Variants in STARD4 observed in about 807,000 individuals in gnomAD.
STARD4 encodes the protein stAR-related lipid transfer protein 4.
In STARD4, 33 loss-of-function variants were observed where a neutral mutation model predicts 24.9. That is an observed-to-expected ratio of 1.32 (90% CI 1.00 to 1.77). The LOEUF is 1.77. Among genes scored for constraint, STARD4 ranks in the 40% most tolerant of loss-of-function variants. The pLI, the probability that STARD4 is intolerant of heterozygous loss-of-function variation, is 0.00. For synonymous variants in STARD4, 88 were observed against 77.4 expected (o/e 1.14, Z -0.72); for missense variants, 238 against 249.3 (o/e 0.95, Z 0.31).
chr5:111,506,292 G>C, intron 3 of STARD4, 38 bp downstream of exon 3: 1 of 1,165,908 alleles, frequency 8.6e-7, no homozygotes, highest in South Asian at 1.5e-5. Flanking sequence ...GTTTTGAAAT[G>C]TCTTAAGAGC....
At position 111,496,074 on chromosome 5, in the gene STARD4, T is replaced by C. The variant is rs1453701434; in HGVS notation, c.*3812A>G. The stretch of plus-strand genomic sequence containing the variant: ...AAATTTTTATTTTGTTTCATACCAA[T>C]TTAAAAATAAATACATATTTTATTG... On this transcript the variant is annotated 3_prime_UTR_variant, in exon 6 of 6. Transcript: ENST00000296632. 1 of 151,942 alleles carries C rather than the reference T, an allele frequency of 6.6e-6. No homozygotes were observed. The highest frequency in any genetic ancestry group is 1.5e-5 in the Non-Finnish European group (1 of 67,962). The allele number at this position is 151,942 out of a possible 1,614,324, so 9.4% of individuals were successfully genotyped here. A position where few individuals can be genotyped will look rare whatever the true frequency, so the allele number is the denominator to read the frequency against.
At chr5:111,512,149 C>T (rs979795155) in intron 1 of STARD4, 2 of 152,356 alleles carry the variant, frequency 1.3e-5, no homozygotes, top group African/African-American at 4.8e-5. Context: ...GTTGCAAGCC[C>T]TGGGATCCTT....
rs1756219573 is a variant in STARD4, at chr5:111,498,494, T to C, written c.*1392A>G. On this transcript the variant is annotated 3_prime_UTR_variant, in exon 6 of 6. Transcript: ENST00000296632. ...TATGAGACTTCCTACTCTACGCTAA[T>C]AAAAACAAATAAAAAATAGATGAAG... The C allele has an allele frequency of 6.6e-6, 1 of 151,346 alleles. No homozygotes were observed. The highest frequency in any genetic ancestry group is 2.4e-5 in the African/African-American group (1 of 41,138). The allele number at this position is 151,346 out of a possible 1,614,324, so 9.4% of individuals were successfully genotyped here.
chr5:111,509,655 G>A (rs1303490739), intron 1 of STARD4, among the ~76,000 whole-genome samples: 1 of 152,062 alleles, frequency 6.6e-6, no homozygotes, highest in Non-Finnish European at 1.5e-5. Context: ...TCTTTGGGGG[G>A]TAGGAAATCT....
rs1756307180 is a variant in STARD4 at position 111,499,959 on chromosome 5, G to T, written c.545C>A (p.Pro182His). ...YIQTDLRGMI[P>H]QSAVDTAMAS... is the part of the protein sequence containing the mutation. ...CATGGCTGTATCTACCGCAGACTGA[G>T]GAATCATCCCACGCAGATCTGTCTG... Residue 182 changes from proline (P) to histidine (H), a missense_variant, in exon 6 of 6, where the codon CCT (proline) becomes CAT (histidine). Pro to His is a moderately conservative substitution (Grantham distance 77). Transcript: ENST00000296632. The T allele has an allele frequency of 6.2e-7, 1 of 1,614,106 alleles. No individual in the cohort carries two copies. The highest frequency in any genetic ancestry group is 1.3e-5 in the African/African-American group (1 of 75,018).
At chr5:111,502,819 GTT>G (rs35680827) in intron 3 of STARD4, among the ~76,000 whole-genome samples, 1 of 146,560 alleles carries the variant, frequency 6.8e-6, no homozygotes, top group African/African-American at 2.5e-5. Context: ...ATAATGAAGG[GTT>G]TTTTTTTTTC....
chr5:111,506,439 C>T (rs538274131), intron 2 of STARD4, 60 bp from the exon 3 acceptor site: 10 of 780,782 alleles, frequency 1.3e-5, no homozygotes, highest in Non-Finnish European at 2.0e-5. Flanking sequence ...AGACACAAAA[C>T]TGATAATTTT....
chr5:111,512,128 C>T (rs1046820834), intron 1 of STARD4: 1 of 152,296 alleles, frequency 6.6e-6, no homozygotes, highest in Non-Finnish European at 1.5e-5. Flanking sequence ...GTGAGCGGCG[C>T]GCAGGGGCGA....
chr5:111,501,172 A>G (rs763687470), intron 4 of STARD4, 56 bp from the exon 5 acceptor site: 64 of 1,503,712 alleles, frequency 4.3e-5, no homozygotes, highest in Non-Finnish European at 5.2e-5. Context: ...ACATAGCTTC[A>G]TATATCATAA....
At chr5:111,512,151 G>C (rs1474691596) in intron 1 of STARD4, 1 of 152,322 alleles carries the variant, frequency 6.6e-6, no homozygotes, top group Non-Finnish European at 1.5e-5. Flanking sequence ...TGCAAGCCCT[G>C]GGATCCTTCC....
At chr5:111,500,942 C>T (rs1473974206) in intron 5 of STARD4, 60 bp downstream of exon 5, 1 of 1,610,868 alleles carries the variant, frequency 6.2e-7, no homozygotes, top group Non-Finnish European at 8.5e-7. Context: ...GACATCCAGC[C>T]AAGAAAACAC....
intron 1 of STARD4, among the ~76,000 whole-genome samples, chr5:111,509,427 G>A (rs1757088525): frequency 6.6e-6 from 1 of 152,078 alleles, no homozygotes; most frequent in Non-Finnish European, 1.5e-5. Context: ...GCAACTTTAA[G>A]GTACTTGACT....
At chr5:111,501,901 T>G (rs1756478779) in intron 4 of STARD4, 61 bp downstream of exon 4, 12 of 1,601,534 alleles carry the variant, frequency 7.5e-6, no homozygotes, top group Non-Finnish European at 9.4e-6. Context: ...ATGCTCTGGC[T>G]CACTCATGCC....
Position 111,507,156 on chromosome 5 carries a change from A to G in STARD4, c.105+173T>C, listed in dbSNP as rs17133335. Among the ~76,000 whole-genome samples, 1,935 of 152,246 alleles carry G rather than the reference A, an allele frequency of 0.013. 45 individuals carry two copies. The highest frequency in any genetic ancestry group is 0.043 in the African/African-American group (1,791 of 41,532). On this transcript the variant is annotated intron_variant, in intron 2 of 5. Coordinates refer to ENST00000296632, the MANE Select transcript of STARD4 (RefSeq NM_139164.3). The surrounding 1 kb of genome is among the most constrained non-coding windows in gnomAD (Gnocchi z 4.4). The stretch of plus-strand genomic sequence containing the variant: ...AGCAGTATAGGATTACCACTGATGC[A>G]TTTCTTCCTCTGTGTGACATTAGAC...
intron 2 of STARD4, among the ~76,000 whole-genome samples, chr5:111,506,836 C>T (rs1215596262): frequency 6.6e-6 from 1 of 152,170 alleles, no homozygotes; most frequent in Non-Finnish European, 1.5e-5. Context: ...CCAAGTAATT[C>T]TGAATATCAG....
At chr5:111,500,493 A>C in intron 5 of STARD4, 1 of 1,037,650 alleles carries the variant, frequency 9.6e-7, no homozygotes, top group Non-Finnish European at 1.2e-6. Context: ...AAACAAGTAG[A>C]TGTTTACTTA....
At chr5:111,511,509 G>T (rs1459069107) in intron 1 of STARD4, among the ~76,000 whole-genome samples, 1 of 152,192 alleles carries the variant, frequency 6.6e-6, no homozygotes, top group Non-Finnish European at 1.5e-5. Flanking sequence ...GCATACTTTA[G>T]ATATCTTGAG....
chr5:111,504,132 G>A lies in STARD4; in HGVS notation c.156-2044C>T, dbSNP rs537702580. On this transcript the variant is annotated intron_variant, in intron 3 of 5. Coordinates refer to ENST00000296632, the MANE Select transcript of STARD4 (RefSeq NM_139164.3). ...AAACTGCTACTTTAGAGAGCAAGTT[G>A]GTAATGTCTAGTAAGGTTGGAAGAT... 2.6e-5 allele frequency among the ~76,000 whole-genome samples: 4 copies of A among 152,252 alleles called. No individual in the cohort carries two copies. The East Asian group carries it at 7.7e-4, about 29-fold the overall frequency.
intron 1 of STARD4, among the ~76,000 whole-genome samples, chr5:111,511,709 T>C (rs1414924101): frequency 6.6e-6 from 1 of 152,220 alleles, no homozygotes; most frequent in African/African-American, 2.4e-5. Flanking sequence ...CTGTGGAAGC[T>C]GATCACAGGC....
Sources: allele counts gnomAD v4.1 joint callset (sites outside exome capture counted in the v4.1 genomes callset), GRCh38; gene constraint gnomAD v4.1.1; non-coding constraint Gnocchi (gnomAD v3.1); transcripts MANE v1.5; gene names NCBI Gene and HGNC (gene_info 2026-07-23, HGNC 2026-07-21).